Variants in IQCK observed in about 807,000 individuals in gnomAD.
The protein encoded by IQCK is IQ motif containing K, also known as IQ domain-containing protein K.
A neutral mutation model predicts 28.1 loss-of-function variants in IQCK; 29 were observed. The observed-to-expected ratio is 1.03, with a 90% CI of 0.77 to 1.41. IQCK has a LOEUF of 1.41. Ranked by LOEUF, IQCK falls within the 40% of genes most tolerant of loss-of-function variation. The pLI, the probability that IQCK is intolerant of heterozygous loss-of-function variation, is 0.00. For missense variants in IQCK, 359 were observed against 314.7 expected (o/e 1.14, Z -1.07); for synonymous variants, 113 against 115.1 (o/e 0.98, Z 0.12).
At chr16:19,732,373 G>C (rs1374974574) in intron 2 of IQCK, among the ~76,000 whole-genome samples, 1 of 152,178 alleles carries the variant, frequency 6.6e-6, no homozygotes, top group Admixed American at 6.5e-5. Context: ...AACACTGACT[G>C]GGTGCTCCTG....
chr16:19,734,626 A>T (rs894498654), intron 3 of IQCK, among the ~76,000 whole-genome samples: 25 of 151,158 alleles, frequency 1.7e-4, no homozygotes, highest in African/African-American at 5.8e-4. Context: ...GAGAAAAAAA[A>T]AAAAATTAGC....
At chr16:19,811,884 A>T (rs759760752) in intron 7 of IQCK, among the ~76,000 whole-genome samples, 1 of 152,166 alleles carries the variant, frequency 6.6e-6, no homozygotes, top group Middle Eastern at 3.2e-3. Context: ...TACCTCACAC[A>T]TACTCAATCA....
chr16:19,725,006 G>A (rs1216199394), intron 1 of IQCK, among the ~76,000 whole-genome samples: 2 of 152,018 alleles, frequency 1.3e-5, no homozygotes, highest in African/African-American at 4.8e-5. Context: ...ACAAGTTTCC[G>A]GGCTCCTTCT....
At chr16:19,799,597 T>TACACACACACACACAC (rs529119301) in intron 7 of IQCK, among the ~76,000 whole-genome samples, 1 of 111,686 alleles carries the variant, frequency 9.0e-6, no homozygotes, top group Admixed American at 8.4e-5. Flanking sequence ...TATATATATA[T>TACACACACACACACAC]ACACACACAC....
At chr16:19,844,619 G>A (rs1056472440) in intron 9 of IQCK, among the ~76,000 whole-genome samples, 1 of 152,156 alleles carries the variant, frequency 6.6e-6, no homozygotes, top group Non-Finnish European at 1.5e-5. Flanking sequence ...ATTTCTCATC[G>A]TAGTAAGTGG....
intron 4 of IQCK, among the ~76,000 whole-genome samples, chr16:19,742,919 A>G (rs2054857120): frequency 6.6e-6 from 1 of 152,334 alleles, no homozygotes; most frequent in Admixed American, 6.5e-5. Flanking sequence ...CTATAATCCC[A>G]GCACTTTGGG....
chr16:19,772,229 C>T (rs968449776), intron 6 of IQCK, among the ~76,000 whole-genome samples: 2 of 152,110 alleles, frequency 1.3e-5, no homozygotes, highest in Admixed American at 1.3e-4. Flanking sequence ...AACCAATTTT[C>T]GGGAAGAGAA....
At chr16:19,804,690 A>G (rs1415517384) in intron 7 of IQCK, among the ~76,000 whole-genome samples, 1 of 152,018 alleles carries the variant, frequency 6.6e-6, no homozygotes, top group Non-Finnish European at 1.5e-5. Context: ...CCGCCTCCCA[A>G]AGTGTTGGGA....
intron 7 of IQCK, among the ~76,000 whole-genome samples, chr16:19,809,805 A>G (rs563995014): frequency 2.6e-5 from 4 of 152,238 alleles, no homozygotes; most frequent in Admixed American, 2.0e-4. Context: ...ACCCCCAGAA[A>G]ACTGGAGTCA....
chr16:19,728,222 C>T (rs1977720562), intron 1 of IQCK, among the ~76,000 whole-genome samples: 1 of 151,964 alleles, frequency 6.6e-6, no homozygotes. Flanking sequence ...TAGCAAGGAC[C>T]TCAGACCTCA....
chr16:19,828,934 A>G (rs911004942), downstream of IQCK, among the ~76,000 whole-genome samples: 10 of 144,106 alleles, frequency 6.9e-5, no homozygotes, highest in East Asian at 2.0e-3. Context: ...ATAATTAAAT[A>G]TATTTTAATT....
chr16:19,844,892 G>T (rs368364205), intron 9 of IQCK, among the ~76,000 whole-genome samples: 2 of 152,042 alleles, frequency 1.3e-5, no homozygotes, highest in South Asian at 4.1e-4. Flanking sequence ...CACTGCAACC[G>T]CTGCCTGCTG....
chr16:19,836,659 G>A (rs747950780), intron 9 of IQCK, among the ~76,000 whole-genome samples: 131 of 152,140 alleles, frequency 8.6e-4, no homozygotes, highest in African/African-American at 1.8e-3. Context: ...GACTACAGGC[G>A]CACGCCACCA....
At chr16:19,829,873 G>A (rs2056206722), downstream of IQCK, among the ~76,000 whole-genome samples, 1 of 152,098 alleles carries the variant, frequency 6.6e-6, no homozygotes, top group African/African-American at 2.4e-5. Flanking sequence ...CTGGACAATT[G>A]TCTTCCCCAC....
intron 4 of IQCK, among the ~76,000 whole-genome samples, chr16:19,740,155 G>A (rs2054812562): frequency 6.6e-6 from 1 of 152,154 alleles, no homozygotes; most frequent in Admixed American, 6.5e-5. Context: ...CTGAAGAACA[G>A]ACTGCTTACT....
At chr16:19,747,324 C>G (rs186481831) in intron 4 of IQCK, among the ~76,000 whole-genome samples, 224 of 152,088 alleles carry the variant, frequency 1.5e-3, no homozygotes, top group African/African-American at 5.3e-3. Context: ...CAGATTAACC[C>G]TAGGTTGTTC....
chr16:19,738,746 C>G (rs1258315359), intron 4 of IQCK, among the ~76,000 whole-genome samples: 1 of 152,188 alleles, frequency 6.6e-6, no homozygotes, highest in Non-Finnish European at 1.5e-5. Context: ...GGTACAGGTA[C>G]TTCCCAGATA....
At chr16:19,791,733 G>A (rs368392527) in intron 7 of IQCK, among the ~76,000 whole-genome samples, 1 of 139,988 alleles carries the variant, frequency 7.1e-6, no homozygotes, top group Non-Finnish European at 1.5e-5. Flanking sequence ...AAATTTAACT[G>A]TGGCTATAGC....
At chr16:19,840,948 G>A (rs1235768732) in intron 9 of IQCK, among the ~76,000 whole-genome samples, 4 of 152,114 alleles carry the variant, frequency 2.6e-5, no homozygotes, top group East Asian at 1.9e-4. Context: ...AAAGAGTAAC[G>A]ATCCCGCCCA....
Sources: gnomAD v4.1 joint callset for allele counts (sites outside exome capture counted in the v4.1 genomes callset) on GRCh38, gnomAD v4.1.1 for gene constraint, MANE v1.5 for transcripts, NCBI Gene and HGNC (gene_info 2026-07-23, HGNC 2026-07-21) for gene names.